The following DNASE1L2 variants were observed in gnomAD, a reference collection of about 807,000 sequenced individuals.
DNASE1L2 encodes the protein deoxyribonuclease-1-like 2.
DNASE1L2 carries 35 observed loss-of-function variants against 31.8 expected under a neutral mutation model. The observed-to-expected ratio is 1.10, with a 90% CI of 0.84 to 1.46. DNASE1L2 has a LOEUF of 1.46. DNASE1L2 is among the 40% of genes most tolerant of loss of function. DNASE1L2 has a pLI of 0.00. For synonymous variants in DNASE1L2, 211 were observed against 186.5 expected (o/e 1.13, Z -1.07); for missense variants, 504 against 418.8 (o/e 1.20, Z -1.77).
chr16:2,237,467 C>T lies in DNASE1L2; in HGVS notation c.409C>T (p.Pro137Ser), dbSNP rs376152724. Residue 137 changes from proline to serine, a missense_variant, in exon 5 of 7, where the codon CCC becomes TCC. Transcript: ENST00000320700. Reference sequence around the variant, plus strand: ...GCCCTTCGTGGTCAAGTTCTCGGCCCCCGGCACCGGTGAGCGGGCCCCGCC... The same window carrying T: ...GCCCTTCGTGGTCAAGTTCTCGGCCTCCGGCACCGGTGAGCGGGCCCCGCC... ...REPFVVKFSA[P>S]GTGERAPPLP... 8.9e-6 allele frequency: 14 copies of T among 1,580,798 alleles called. No homozygotes were observed. The highest frequency in any genetic ancestry group is 1.2e-5 in the Non-Finnish European group (14 of 1,165,498).
chr16:2,237,801 G>A lies in DNASE1L2; in HGVS notation c.626G>A (p.Cys209Tyr). The change falls in exon 6 of 7, where the codon TGC becomes TAC. Residue 209 changes from cysteine to tyrosine, a missense_variant. Cys to Tyr is a radical substitution (Grantham distance 194). Coordinates refer to ENST00000320700, the MANE Select transcript of DNASE1L2 (RefSeq NM_001374.3). Reference sequence around the variant, plus strand: ...TTCCTGGGCGACTTCAACGCCGACTGCAGCTATGTGCGGGCGCAGGACTGG... The same window carrying A: ...TTCCTGGGCGACTTCAACGCCGACTACAGCTATGTGCGGGCGCAGGACTGG... ...MLFLGDFNAD[C>Y]SYVRAQDWAA... 1.2e-6 allele frequency: 2 copies of A among 1,609,890 alleles called. No individual in the cohort carries two copies. The highest frequency in any genetic ancestry group is 1.7e-6 in the Non-Finnish European group (2 of 1,178,700).
Position 2,237,980 on chromosome 16 carries a change from C to T in DNASE1L2, c.805C>T (p.His269Tyr), listed in dbSNP as rs1278400823. 3 of 1,606,670 alleles carry T rather than the reference C, an allele frequency of 1.9e-6. No homozygotes were observed. In the African/African-American group the frequency reaches 4.0e-5, roughly 21 times the overall value. ...CCTGAAGCCCCAGTCGGCCACCGTGCACGACTTCCAGGAGGAATTCGGCCT... is the reference window on the plus strand; with the variant it reads ...CCTGAAGCCCCAGTCGGCCACCGTGTACGACTTCCAGGAGGAATTCGGCCT... ...RSLKPQSATVHDFQEEFGLDQ... is the reference protein window; with the variant it reads ...RSLKPQSATVYDFQEEFGLDQ... Residue 269 changes from histidine (H) to tyrosine (Y), a missense_variant, in exon 6 of 7, where the codon CAC (histidine) becomes TAC (tyrosine). His to Tyr is a moderately conservative substitution (Grantham distance 83). Coordinates refer to ENST00000320700, the MANE Select transcript of DNASE1L2 (RefSeq NM_001374.3).
At chr16:2,238,165 C>T in intron 6 of DNASE1L2, 147 bp downstream of exon 6, 1 of 1,420,644 alleles carries the variant, frequency 7.0e-7, no homozygotes, top group Non-Finnish European at 9.4e-7. Context: ...GAGAGCCCGG[C>T]CCACCCCATG....
chr16:2,237,206 C>T lies in DNASE1L2; in HGVS notation c.234-12C>T. 1 of 1,563,058 alleles carries T rather than the reference C, an allele frequency of 6.4e-7. No homozygotes were observed. The highest frequency in any genetic ancestry group is 8.7e-7 in the Non-Finnish European group (1 of 1,154,446). ...CGGCGCCCCGACCCTGAGCGGGCCC[C>T]TGTCTCCGCAGCGTGTCCGAGCACG... is the stretch of plus-strand genomic sequence containing the variant. On this transcript the variant is annotated splice_polypyrimidine_tract_variant and intron_variant, in intron 3 of 6. Transcript: ENST00000320700.
Position 2,237,898 on chromosome 16 carries a change from C to T in DNASE1L2, c.723C>T (p.Gly241=), listed in dbSNP as rs778524884. 4.3e-6 allele frequency: 7 copies of T among 1,612,468 alleles called. No homozygotes were observed. Among genetic ancestry groups the T allele is most frequent in the East Asian group, 4.5e-5 (2 of 44,884 alleles). The change falls in exon 6 of 7, where the codon GGC becomes GGT. Residue 241 remains glycine (G), a synonymous_variant. Coordinates refer to ENST00000320700, the MANE Select transcript of DNASE1L2 (RefSeq NM_001374.3). ...CTGACAGCGCCGACACCACGGTGGG[C>T]AACTCAGACTGCGCCTACGACCGCA... The part of the protein sequence containing the change: ...LIPDSADTTV[G]NSDCAYDRIV...
In DNASE1L2 at chr16:2,237,790, C is replaced by T. The variant is rs1278063039; in HGVS notation, c.615C>T (p.Phe205=). 6.2e-7 allele frequency: 1 copy of T among 1,608,608 alleles called. No individual in the cohort carries two copies. The highest frequency in any genetic ancestry group is 8.5e-7 in the Non-Finnish European group (1 of 1,178,358). ...AGGACATGCTGTTCCTGGGCGACTTCAACGCCGACTGCAGCTATGTGCGGG... is the reference window on the plus strand; with the variant it reads ...AGGACATGCTGTTCCTGGGCGACTTTAACGCCGACTGCAGCTATGTGCGGG... ...GTDDMLFLGD[F]NADCSYVRAQ... The change falls in exon 6 of 7, where the codon TTC becomes TTT. Residue 205 remains phenylalanine, a synonymous_variant. Coordinates refer to ENST00000320700, the MANE Select transcript of DNASE1L2 (RefSeq NM_001374.3).
intron 1 of DNASE1L2, 89 bp downstream of exon 1, chr16:2,236,649 T>G (rs2093511689): frequency 7.2e-7 from 1 of 1,383,000 alleles, no homozygotes. Context: ...AAGGCAGCGG[T>G]CCCTGAGAGC....
rs1015196900 is a variant in DNASE1L2 at position 2,237,753 on chromosome 16, C to T, written c.592-14C>T. The T allele has an allele frequency of 1.9e-6, 3 of 1,599,320 alleles. No individual in the cohort carries two copies. The highest frequency in any genetic ancestry group is 2.6e-6 in the Non-Finnish European group (3 of 1,173,332). ...TCCTGCGGCGGCTCAGACACGGCTCCGCGGCGCCCGCAGGACATGCTGTTC... is the reference window on the plus strand; with the variant it reads ...TCCTGCGGCGGCTCAGACACGGCTCTGCGGCGCCCGCAGGACATGCTGTTC... On this transcript the variant is annotated splice_polypyrimidine_tract_variant and intron_variant, in intron 5 of 6. Transcript: ENST00000320700.
In DNASE1L2 at chr16:2,238,395, G is replaced by T; in HGVS notation, c.877G>T (p.Val293Leu). ...LAISDHFPVE[V>L]TLKFHR is the part of the protein sequence containing the mutation. The stretch of plus-strand genomic sequence containing the variant: ...CATCAGCGACCACTTTCCAGTGGAG[G>T]TGACCCTCAAGTTCCACCGATGACT... Residue 293 changes from valine to leucine, a missense_variant, in exon 7 of 7, where the codon GTG becomes TTG. Transcript: ENST00000320700. The T allele has an allele frequency of 6.2e-7, 1 of 1,613,522 alleles. No homozygotes were observed.
intron 1 of DNASE1L2, 40 bp from the exon 2 acceptor site, chr16:2,236,738 G>A (rs2141484809): frequency 6.8e-7 from 1 of 1,464,420 alleles, no homozygotes; most frequent in South Asian, 1.4e-5. Context: ...GCCGCGGAGG[G>A]AAGGGGTGGG....
Position 2,237,368 on chromosome 16 carries a change from T to C in DNASE1L2, c.318-8T>C. 3.1e-6 allele frequency: 5 copies of C among 1,602,328 alleles called. No homozygotes were observed. The highest frequency in any genetic ancestry group is 4.3e-6 in the Non-Finnish European group (5 of 1,176,274). On this transcript the variant is annotated splice_polypyrimidine_tract_variant and splice_region_variant and intron_variant, in intron 4 of 6. Coordinates refer to ENST00000320700, the MANE Select transcript of DNASE1L2 (RefSeq NM_001374.3). Reference sequence around the variant, plus strand: ...TCGGGGGCTCAGCGGGTCCTCCCCATCTCCTAGGAAAGACGCGGTGTCGGT... The same window carrying C: ...TCGGGGGCTCAGCGGGTCCTCCCCACCTCCTAGGAAAGACGCGGTGTCGGT...
intron 6 of DNASE1L2, 42 bp downstream of exon 6, chr16:2,238,060 G>C (rs201222920): frequency 5.2e-5 from 81 of 1,551,820 alleles, no homozygotes; most frequent in Non-Finnish European, 6.7e-5. Context: ...GGTCCCCACC[G>C]CCCGGGCGCA....
At position 2,237,430 on chromosome 16, in the gene DNASE1L2, C is replaced by T. The variant is rs1245090698; in HGVS notation, c.372C>T (p.Val124=). ...ACCTGTACCCAGACCCCGAGGACGT[C>T]TTCAGCCGCGAGCCCTTCGTGGTCA... The part of the protein sequence containing the change: ...DTYLYPDPED[V]FSREPFVVKF... The change falls in exon 5 of 7, where the codon GTC becomes GTT. Residue 124 remains valine, a synonymous_variant. Transcript: ENST00000320700. 1.9e-6 allele frequency: 3 copies of T among 1,596,636 alleles called. No homozygotes were observed. Among genetic ancestry groups the T allele is most frequent in the Non-Finnish European group, 2.6e-6 (3 of 1,174,794 alleles).
Position 2,238,035 on chromosome 16 carries a change from G to C in DNASE1L2, c.843+17G>C. On this transcript the variant is annotated intron_variant, in intron 6 of 6. Transcript: ENST00000320700. ...CAGACTCAGGCGAGTGGGCCGTGGGGCGGTGCTGGTCTTGGGTCCCCACCG... is the reference window on the plus strand; with the variant it reads ...CAGACTCAGGCGAGTGGGCCGTGGGCCGGTGCTGGTCTTGGGTCCCCACCG... 1.3e-6 allele frequency: 2 copies of C among 1,581,752 alleles called. No individual in the cohort carries two copies. Among genetic ancestry groups the C allele is most frequent in the South Asian group, 2.3e-5 (2 of 87,786 alleles).
In DNASE1L2 at chr16:2,238,665, G is replaced by A. The variant is rs906656614; in HGVS notation, c.*247G>A. The A allele has an allele frequency of 1.6e-5, 9 of 566,740 alleles. No individual in the cohort carries two copies. The highest frequency in any genetic ancestry group is 9.0e-5 in the Admixed American group (3 of 33,266). 35.1% of individuals were successfully genotyped at this position (566,740 alleles called of 1,614,324 possible). A position where few individuals can be genotyped will look rare whatever the true frequency, so the allele number is the denominator to read the frequency against. ...ATGAGGGGTGCAGGGGGCACTGCCC[G>A]GCAGATGTCTGCTCAATAAATGAGC... On this transcript the variant is annotated 3_prime_UTR_variant, in exon 7 of 7. Coordinates refer to ENST00000320700, the MANE Select transcript of DNASE1L2 (RefSeq NM_001374.3).
intron 1 of DNASE1L2, 84 bp from the exon 2 acceptor site, chr16:2,236,694 G>C (rs535020431): frequency 7.0e-7 from 1 of 1,426,782 alleles, no homozygotes; most frequent in South Asian, 1.5e-5. Context: ...GAACGCAGGG[G>C]CGGATTCCGC....
intron 6 of DNASE1L2, 39 bp from the exon 7 acceptor site, chr16:2,238,323 G>C: frequency 6.2e-7 from 1 of 1,612,294 alleles, no homozygotes; most frequent in Non-Finnish European, 8.5e-7. Flanking sequence ...CCTGTGGGTG[G>C]GGTGCACTTT....
rs2093514629 is a variant in DNASE1L2, at chr16:2,237,303, T to G, written c.317+2T>G. 1 of 1,587,030 alleles carries G rather than the reference T, an allele frequency of 6.3e-7. No homozygotes were observed. Among genetic ancestry groups the G allele is most frequent in the Non-Finnish European group, 8.6e-7 (1 of 1,167,888 alleles). Reference sequence around the variant, plus strand: ...GGAGATGTACCTGTTCGTGTACAGGTGAGGGGCGGGCCGCAGGGAGGGGCG... The same window carrying G: ...GGAGATGTACCTGTTCGTGTACAGGGGAGGGGCGGGCCGCAGGGAGGGGCG... On this transcript the variant is annotated splice_donor_variant, in intron 4 of 6. Transcript: ENST00000320700. LOFTEE classifies it high-confidence loss of function.
In DNASE1L2 at chr16:2,238,560, G is replaced by A. The variant is rs1253975850; in HGVS notation, c.*142G>A. 1.3e-5 allele frequency: 12 copies of A among 952,510 alleles called. No homozygotes were observed. The highest frequency in any genetic ancestry group is 9.8e-5 in the Admixed American group (5 of 51,176). 59.0% of individuals were successfully genotyped at this position (952,510 alleles called of 1,614,324 possible). ...GGCGTGGACCAGGGGCCATGGACACGTGATGTGCTGCTCTGTACCTCCGTT... is the reference window on the plus strand; with the variant it reads ...GGCGTGGACCAGGGGCCATGGACACATGATGTGCTGCTCTGTACCTCCGTT... On this transcript the variant is annotated 3_prime_UTR_variant, in exon 7 of 7. Transcript: ENST00000320700.
Sources: allele counts gnomAD v4.1 joint callset, GRCh38; gene constraint gnomAD v4.1.1; transcripts MANE v1.5; gene names NCBI Gene and HGNC (gene_info 2026-07-23, HGNC 2026-07-21).